Variants in TENM3 observed in about 807,000 individuals in gnomAD.
The protein encoded by TENM3 is teneurin transmembrane protein 3.
In TENM3, 63 loss-of-function variants were observed where a neutral mutation model predicts 255.1. The observed-to-expected ratio is 0.25, with a 90% confidence interval of 0.20 to 0.30. The LOEUF is 0.30. Among genes scored for constraint, TENM3 ranks in the 10% least tolerant of loss-of-function variants. The pLI, the probability that TENM3 is intolerant of heterozygous loss-of-function variation, is 1.00. For missense variants in TENM3, 2,929 were observed against 3,461.1 expected (o/e 0.85, Z 3.86); for synonymous variants, 1,306 against 1,322.3 (o/e 0.99, Z 0.27).
intron 3 of TENM3, among the ~76,000 whole-genome samples, chr4:182,554,380 A>C (rs544498981): frequency 6.6e-6 from 1 of 152,204 alleles, no homozygotes; most frequent in Non-Finnish European, 1.5e-5. Context: ...ATCAAGTTTT[A>C]TAGTGTGATT....
At chr4:182,125,422 T>A in the TENM3 span, among the ~76,000 whole-genome samples, 2 of 152,326 alleles carry the variant, frequency 1.3e-5, no homozygotes, top group Admixed American at 1.3e-4. Context: ...CCATAGGATT[T>A]GGTAATAATC....
the TENM3 span, among the ~76,000 whole-genome samples, chr4:182,064,224 T>A: frequency 6.6e-6 from 1 of 151,600 alleles, no homozygotes; most frequent in Non-Finnish European, 1.5e-5. Flanking sequence ...CAATTTGACT[T>A]CACATAGAGA....
intron 11 of TENM3, among the ~76,000 whole-genome samples, chr4:182,682,823 GC>G (rs769788841): frequency 2.6e-4 from 40 of 152,010 alleles, no homozygotes; most frequent in Non-Finnish European, 4.4e-4. Flanking sequence ...TTGAGAAGAT[GC>G]CATTCTAGTG....
At chr4:182,208,099 T>C (rs1039430927) in intron 1 of TENM3, among the ~76,000 whole-genome samples, 1 of 152,242 alleles carries the variant, frequency 6.6e-6, no homozygotes, top group Non-Finnish European at 1.5e-5. Context: ...TAATGCAAGC[T>C]GCTTAAGCAC....
At chr4:181,461,328 A>C in the TENM3 span, among the ~76,000 whole-genome samples, 1 of 151,876 alleles carries the variant, frequency 6.6e-6, no homozygotes, top group Non-Finnish European at 1.5e-5. Flanking sequence ...GTTGCTATTT[A>C]GCAATTTGAT....
the TENM3 span, among the ~76,000 whole-genome samples, chr4:181,966,387 GA>G: frequency 2.6e-5 from 4 of 152,120 alleles, no homozygotes; most frequent in African/African-American, 9.7e-5. Flanking sequence ...TTAATATTAT[GA>G]AGTCATTCTC....
At chr4:181,908,327 G>T in the TENM3 span, among the ~76,000 whole-genome samples, 3 of 152,170 alleles carry the variant, frequency 2.0e-5, no homozygotes, top group African/African-American at 7.2e-5. Context: ...GCAGCTGAAG[G>T]TTTTTGGTTT....
At chr4:182,786,960 C>T (rs1359259113) in intron 24 of TENM3, among the ~76,000 whole-genome samples, 2 of 152,202 alleles carry the variant, frequency 1.3e-5, no homozygotes, top group African/African-American at 4.8e-5. Flanking sequence ...CTTCTTGAGG[C>T]ATCCAAAATT....
At chr4:181,755,341 C>G in the TENM3 span, among the ~76,000 whole-genome samples, 3 of 151,924 alleles carry the variant, frequency 2.0e-5, no homozygotes, top group African/African-American at 7.3e-5. Flanking sequence ...AATGTTCTTT[C>G]CTTTTTTGTA....
the TENM3 span, among the ~76,000 whole-genome samples, chr4:181,653,734 G>A: frequency 6.7e-6 from 1 of 149,170 alleles, no homozygotes; most frequent in South Asian, 2.1e-4. Context: ...ATGGGATACA[G>A]GTGCAGAACG....
Position 182,727,455 on chromosome 4 carries a change from C to CAAAAAAAA in TENM3, c.2369-1508_2369-1501dup, listed in dbSNP as rs10522655. On this transcript the variant is annotated intron_variant, in intron 13 of 27. Coordinates refer to ENST00000511685, the MANE Select transcript of TENM3 (RefSeq NM_001080477.4). ...TGGGTGACAGAGGAAGACTCAGTCT[C>CAAAAAAAA]AAAAAAAAAGAAAGAAAAATTCATG... Among the ~76,000 whole-genome samples the CAAAAAAAA allele has an allele frequency of 4.7e-3, 557 of 119,260 alleles. 26 individuals carry two copies. The highest frequency in any genetic ancestry group is 0.013 in the African/African-American group (393 of 31,440). 78.2% of individuals were successfully genotyped at this position (119,260 alleles called of 152,430 possible). A position where few individuals can be genotyped will look rare whatever the true frequency, so the allele number is the denominator to read the frequency against.
intron 24 of TENM3, among the ~76,000 whole-genome samples, chr4:182,781,818 C>T (rs1765192469): frequency 1.3e-5 from 2 of 150,470 alleles, no homozygotes; most frequent in South Asian, 4.3e-4. Context: ...TCCATTTCTT[C>T]TAGATTTTCT....
chr4:181,517,065 G>T, the TENM3 span, among the ~76,000 whole-genome samples: 12 of 151,794 alleles, frequency 7.9e-5, no homozygotes, highest in South Asian at 2.5e-3. Flanking sequence ...CTTATACTCT[G>T]GTTTGTACAC....
chr4:182,434,241 G>A (rs917805792), intron 3 of TENM3, among the ~76,000 whole-genome samples: 2 of 152,096 alleles, frequency 1.3e-5, no homozygotes, highest in African/African-American at 2.4e-5. Context: ...CGGGAAAGGA[G>A]GTGACTGAGA....
chr4:181,994,633 G>A, the TENM3 span, among the ~76,000 whole-genome samples: 1 of 128,186 alleles, frequency 7.8e-6, no homozygotes, highest in South Asian at 2.6e-4. Context: ...TAGTTGTATT[G>A]ATAAAATCTA....
the TENM3 span, among the ~76,000 whole-genome samples, chr4:181,759,239 T>C: frequency 2.0e-5 from 3 of 152,072 alleles, no homozygotes; most frequent in Non-Finnish European, 2.9e-5. Context: ...TATTAAATAG[T>C]TTATTAAAGG....
intron 19 of TENM3, among the ~76,000 whole-genome samples, chr4:182,749,492 C>A (rs905429499): frequency 6.6e-6 from 1 of 152,114 alleles, no homozygotes; most frequent in African/African-American, 2.4e-5. Flanking sequence ...AGAGACAGGA[C>A]AAAAGCGAGT....
At chr4:181,555,776 A>G in the TENM3 span, among the ~76,000 whole-genome samples, 1 of 152,192 alleles carries the variant, frequency 6.6e-6, no homozygotes, top group Non-Finnish European at 1.5e-5. Context: ...TATTGAATGA[A>G]ATGAATGTGG....
At chr4:181,923,723 A>T in the TENM3 span, among the ~76,000 whole-genome samples, 2 of 152,174 alleles carry the variant, frequency 1.3e-5, 1 homozygote, top group South Asian at 4.1e-4. Flanking sequence ...GGTTCAAAAG[A>T]AATGATAGCC....
Sources: allele counts gnomAD v4.1 joint callset (sites outside exome capture counted in the v4.1 genomes callset), GRCh38; gene constraint gnomAD v4.1.1; transcripts MANE v1.5; gene names NCBI Gene and HGNC (gene_info 2026-07-23, HGNC 2026-07-21).